EFR3B: variants seen among roughly 807,000 people sequenced by gnomAD.
EFR3B encodes the protein protein EFR3 homolog B.
EFR3B carries 64 observed loss-of-function variants against 104.7 expected under a neutral mutation model. That is an observed-to-expected ratio of 0.61 (90% CI 0.50 to 0.75). The LOEUF (loss-of-function observed/expected upper bound fraction) is 0.75, where lower values mean the gene tolerates loss of function less well. EFR3B is among the 30% of genes least tolerant of loss of function. EFR3B has a pLI of 0.00. For missense variants in EFR3B, 750 were observed against 1,078.5 expected, an observed-to-expected ratio of 0.70 and a Z score of 4.27; for synonymous variants, 385 against 417.9, an observed-to-expected ratio of 0.92 and a Z score of 0.96.
intron 1 of EFR3B, among the ~76,000 whole-genome samples, chr2:25,061,448 G>A (rs1668192724): frequency 2.0e-5 from 3 of 151,420 alleles, no homozygotes; most frequent in Admixed American, 6.6e-5. Flanking sequence ...CCTCTCACAC[G>A]GGCAACGTAG....
Position 25,156,454 on chromosome 2 carries a change from C to G in EFR3B, c.*2114C>G, listed in dbSNP as rs1387198045. On this transcript the variant is annotated 3_prime_UTR_variant, in exon 23 of 23. Coordinates refer to ENST00000403714, the MANE Select transcript of EFR3B (RefSeq NM_014971.2). ...CTGGGATTACAGGCGTGCACCACCACGCCTGGCGAATTTTGTGTTTTTAGT... is the reference window on the plus strand; with the variant it reads ...CTGGGATTACAGGCGTGCACCACCAGGCCTGGCGAATTTTGTGTTTTTAGT... 6.6e-6 allele frequency: 1 copy of G among 152,050 alleles called. No individual in the cohort carries two copies. Among genetic ancestry groups the G allele is most frequent in the Non-Finnish European group, 1.5e-5 (1 of 68,018 alleles). The allele number at this position is 152,050 out of a possible 1,614,324, so 9.4% of individuals were successfully genotyped here.
At chr2:25,103,064 C>A (rs569395601) in intron 3 of EFR3B, among the ~76,000 whole-genome samples, 2 of 152,224 alleles carry the variant, frequency 1.3e-5, no homozygotes, top group Non-Finnish European at 2.9e-5. Context: ...ACTTCCTCCC[C>A]ACTCGAGCCA....
In EFR3B at chr2:25,076,438, A is replaced by G. The variant is rs1445659055; in HGVS notation, c.8-14887A>G. 3.3e-5 allele frequency among the ~76,000 whole-genome samples: 5 copies of G among 152,124 alleles called. No homozygotes were observed. The East Asian group carries it at 9.6e-4, about 29-fold the overall frequency. ...ATAGTTGTAAGAACTTCACTCTGTT[A>G]ACTTATCTAGTCTTCACCACAACCC... On this transcript the variant is annotated intron_variant, in intron 1 of 22. Coordinates refer to ENST00000403714, the MANE Select transcript of EFR3B (RefSeq NM_014971.2).
In EFR3B at chr2:25,131,932, G is replaced by C; in HGVS notation, c.1147+21G>C. ...CGTGGGTGCGGCGCGGGGCCGGGCC[G>C]GGGCGGGGCGGGGCCGAGGCGCGGA... On this transcript the variant is annotated intron_variant, in intron 10 of 22. Coordinates refer to ENST00000403714, the MANE Select transcript of EFR3B (RefSeq NM_014971.2). This position sits in a 1 kb window ranked among gnomAD's most constrained non-coding sequence, Gnocchi z 7.6. The C allele has an allele frequency of 1.4e-6, 2 of 1,452,768 alleles. No homozygotes were observed. The highest frequency in any genetic ancestry group is 2.8e-5 in the South Asian group (2 of 70,858). The allele number at this position is 1,452,768 out of a possible 1,614,324, so 90.0% of individuals were successfully genotyped here. A position where few individuals can be genotyped will look rare whatever the true frequency, so the allele number is the denominator to read the frequency against.
intron 1 of EFR3B, among the ~76,000 whole-genome samples, chr2:25,065,381 A>G (rs1372868606): frequency 8.1e-6 from 1 of 123,164 alleles, no homozygotes; most frequent in Non-Finnish European, 1.6e-5. Flanking sequence ...GGTTCAGATG[A>G]GTTCTCACTG....
In EFR3B at chr2:25,054,238, G is replaced by T. The variant is rs545716297; in HGVS notation, c.7+11919G>T. Among the ~76,000 whole-genome samples, 156 of 152,318 alleles carry T rather than the reference G, an allele frequency of 1.0e-3. 1 individual carries two copies. The highest frequency in any genetic ancestry group is 3.7e-3 in the African/African-American group (153 of 41,570). ...CCACTCATGAGGATGTATGAGGGGG[G>T]TCAAATGAGATAATGTCTATGTACA... On this transcript the variant is annotated intron_variant, in intron 1 of 22. Coordinates refer to ENST00000403714, the MANE Select transcript of EFR3B (RefSeq NM_014971.2).
intron 1 of EFR3B, among the ~76,000 whole-genome samples, chr2:25,066,233 G>A (rs1178784377): frequency 6.6e-6 from 1 of 152,168 alleles, no homozygotes; most frequent in African/African-American, 2.4e-5. Context: ...GACATTCTTA[G>A]TGGCCTCCTG....
At chr2:25,142,199 T>C (rs1042640293) in intron 17 of EFR3B, among the ~76,000 whole-genome samples, 5 of 152,084 alleles carry the variant, frequency 3.3e-5, no homozygotes, top group African/African-American at 1.2e-4. Context: ...TCCCAGCACT[T>C]TGGGAGGCTA....
chr2:25,145,144 G>T (rs930436997), intron 19 of EFR3B, 93 bp downstream of exon 19: 4 of 1,149,556 alleles, frequency 3.5e-6, no homozygotes, highest in Non-Finnish European at 3.8e-6. Context: ...TGGGCTTAAG[G>T]CTGCATGGAA....
intron 1 of EFR3B, among the ~76,000 whole-genome samples, chr2:25,057,421 AAAC>A (rs1668053395): frequency 6.6e-6 from 1 of 152,146 alleles, no homozygotes; most frequent in Admixed American, 6.5e-5. Context: ...ACAAAAAAAA[AAAC>A]AAAAAACAGA....
At chr2:25,068,819 T>C (rs902794342) in intron 1 of EFR3B, among the ~76,000 whole-genome samples, 2 of 151,918 alleles carry the variant, frequency 1.3e-5, no homozygotes, top group Non-Finnish European at 1.5e-5. Flanking sequence ...TTAGTAGCGA[T>C]GGGGTTTCAC....
chr2:25,132,600 C>A (rs908606788), intron 10 of EFR3B, among the ~76,000 whole-genome samples: 1 of 151,802 alleles, frequency 6.6e-6, no homozygotes, highest in African/African-American at 2.4e-5. Flanking sequence ...CCCGACCCCC[C>A]GCTCCGCCCT....
At chr2:25,138,569 T>A (rs185785914) in intron 15 of EFR3B, among the ~76,000 whole-genome samples, 29 of 152,214 alleles carry the variant, frequency 1.9e-4, no homozygotes, top group African/African-American at 6.3e-4. Context: ...CCAGCCTAGA[T>A]GCTATAATTT....
chr2:25,115,858 TG>T (rs1272491662), intron 4 of EFR3B: 1 of 152,264 alleles, frequency 6.6e-6, no homozygotes, highest in Non-Finnish European at 1.5e-5. Context: ...AGGTGTTAAC[TG>T]GGCCTGGCCT....
chr2:25,050,535 T>A (rs1369155308), intron 1 of EFR3B, among the ~76,000 whole-genome samples: 5 of 152,220 alleles, frequency 3.3e-5, no homozygotes, highest in African/African-American at 1.2e-4. Context: ...CAGTTATTTT[T>A]AAAAAGTTGA....
At chr2:25,047,797 GC>G (rs777837233) in intron 1 of EFR3B, among the ~76,000 whole-genome samples, 17 of 152,066 alleles carry the variant, frequency 1.1e-4, no homozygotes, top group Non-Finnish European at 2.2e-4. Context: ...ACCATGCCTG[GC>G]CCTTAATTTT....
rs1670520685 is a variant in EFR3B, at chr2:25,136,589, C to A, written c.1551C>A (p.Phe517Leu). 6.4e-7 allele frequency: 1 copy of A among 1,551,082 alleles called. No individual in the cohort carries two copies. ...VDKCSRQDTV[F>L]MKKHSQQLYR... The stretch of plus-strand genomic sequence containing the variant: ...AGTGCTCTCGACAGGACACCGTCTT[C>A]ATGAAGAAGGTAAACAAGCATGACC... Residue 517 changes from phenylalanine (F) to leucine (L), a missense_variant, in exon 14 of 23, where the codon TTC becomes TTA. Phe to Leu is a conservative substitution (Grantham distance 22, BLOSUM62 0). Transcript: ENST00000403714. This position sits in a 1 kb window ranked among gnomAD's most constrained non-coding sequence, Gnocchi z 4.0.
Position 25,144,501 on chromosome 2 carries a change from G to A in EFR3B, c.2051-459G>A, listed in dbSNP as rs953197398. Among the ~76,000 whole-genome samples, 8 of 151,954 alleles carry A rather than the reference G, an allele frequency of 5.3e-5. No individual in the cohort carries two copies. In the South Asian group the frequency reaches 1.0e-3, roughly 20 times the overall value. Reference sequence around the variant, plus strand: ...AAAGATTGCAGTGAGCCAAGATCGCGCCATTGCACTCCAGCCTGGGCGACA... The same window carrying A: ...AAAGATTGCAGTGAGCCAAGATCGCACCATTGCACTCCAGCCTGGGCGACA... On this transcript the variant is annotated intron_variant, in intron 18 of 22. Coordinates refer to ENST00000403714, the MANE Select transcript of EFR3B (RefSeq NM_014971.2).
intron 1 of EFR3B, among the ~76,000 whole-genome samples, chr2:25,055,983 T>G (rs139693345): frequency 1.2e-4 from 19 of 152,372 alleles, no homozygotes; most frequent in Admixed American, 1.2e-3. Context: ...AACTTTGGTA[T>G]GTAGTAGTAA....
Sources: gnomAD v4.1 joint callset for allele counts (sites outside exome capture counted in the v4.1 genomes callset) on GRCh38, gnomAD v4.1.1 for gene constraint, Gnocchi (gnomAD v3.1) non-coding constraint, MANE v1.5 for transcripts, NCBI Gene and HGNC (gene_info 2026-07-23, HGNC 2026-07-21) for gene names.